Variants in VTI1A observed in about 807,000 individuals in gnomAD.
The protein encoded by VTI1A is vesicle transport through interaction with t-SNAREs 1A.
A neutral mutation model predicts 34.9 loss-of-function variants in VTI1A; 22 were observed. The ratio of observed to expected loss-of-function variants is 0.63; its 90% CI spans 0.45 to 0.90. VTI1A has a LOEUF of 0.90. Among genes scored for constraint, VTI1A ranks in the 40% least tolerant of loss-of-function variants. VTI1A has a pLI of 0.00. For synonymous variants in VTI1A, 87 were observed against 97.3 expected (o/e 0.89, Z 0.62); for missense variants, 268 against 275.6 (o/e 0.97, Z 0.20).
At chr10:112,608,270 A>C (rs772634759) in intron 5 of VTI1A, among the ~76,000 whole-genome samples, 1 of 152,228 alleles carries the variant, frequency 6.6e-6, no homozygotes, top group Non-Finnish European at 1.5e-5. Flanking sequence ...TGTTACATAC[A>C]TGCATGCATA....
At chr10:112,797,942 T>C (rs969097701) in intron 7 of VTI1A, among the ~76,000 whole-genome samples, 2 of 152,214 alleles carry the variant, frequency 1.3e-5, no homozygotes, top group Admixed American at 1.3e-4. Flanking sequence ...TTCAGCTACG[T>C]GAGTCAGTAT....
chr10:112,561,626 T>G (rs1397042136), intron 5 of VTI1A, among the ~76,000 whole-genome samples: 1 of 152,200 alleles, frequency 6.6e-6, no homozygotes, highest in Non-Finnish European at 1.5e-5. Context: ...ACTTTTTATT[T>G]AAATTTGGAA....
chr10:112,673,461 T>C (rs150644472), intron 7 of VTI1A, among the ~76,000 whole-genome samples: 2 of 47,694 alleles, frequency 4.2e-5, no homozygotes, highest in Admixed American at 2.9e-4. Flanking sequence ...CATGCGCGCG[T>C]GCGCGCGCAC....
At chr10:112,454,388 A>G (rs1847352191) in intron 1 of VTI1A, among the ~76,000 whole-genome samples, 1 of 152,200 alleles carries the variant, frequency 6.6e-6, no homozygotes, top group Non-Finnish European at 1.5e-5. Flanking sequence ...TGAGCCCAGG[A>G]GCTCAAGATC....
the VTI1A span, among the ~76,000 whole-genome samples, chr10:112,841,664 A>T: frequency 1.3e-5 from 2 of 152,216 alleles, no homozygotes; most frequent in Non-Finnish European, 2.9e-5. Context: ...AATTCATTCC[A>T]GCCCTGCCCA....
At chr10:112,655,836 A>G (rs984733649) in intron 5 of VTI1A, among the ~76,000 whole-genome samples, 3 of 152,210 alleles carry the variant, frequency 2.0e-5, no homozygotes, top group Non-Finnish European at 4.4e-5. Context: ...AAGTGTGCCT[A>G]TCTGTGCCCC....
In VTI1A at chr10:112,818,541, G is replaced by A. The variant is rs1853588089; in HGVS notation, c.*3158G>A. 1 of 225,376 alleles carries A rather than the reference G, an allele frequency of 4.4e-6. No individual in the cohort carries two copies. Among genetic ancestry groups the A allele is most frequent in the African/African-American group, 2.2e-5 (1 of 44,868 alleles). 14.0% of individuals were successfully genotyped at this position (225,376 alleles called of 1,614,324 possible). ...AAACAGCCTGCCTGCTGCTGTATTT[G>A]AAGTTGTAATGGTGTCAAAAAGTCA... On this transcript the variant is annotated 3_prime_UTR_variant, in exon 8 of 8. Transcript: ENST00000393077.
At chr10:112,854,983 G>T in the VTI1A span, among the ~76,000 whole-genome samples, 3 of 152,296 alleles carry the variant, frequency 2.0e-5, no homozygotes, top group African/African-American at 2.4e-5. Context: ...TGAGTTCACA[G>T]AGAGTCTGCC....
At chr10:112,832,154 G>A in the VTI1A span, 6 of 152,370 alleles carry the variant, frequency 3.9e-5, no homozygotes, top group East Asian at 7.8e-4. Flanking sequence ...CGCCGAGTCT[G>A]CGGCAGAGAG....
chr10:112,815,139 GCACACACACA>G (rs71489986), intron 7 of VTI1A, 141 bp from the exon 8 acceptor site: 6 of 180,862 alleles, frequency 3.3e-5, no homozygotes, highest in South Asian at 9.0e-5. Context: ...TTTCGCGCGC[GCACACACACA>G]CACACACACA....
intron 5 of VTI1A, among the ~76,000 whole-genome samples, chr10:112,660,143 C>A (rs193083356): frequency 8.3e-4 from 126 of 152,260 alleles, no homozygotes; most frequent in African/African-American, 2.9e-3. Context: ...CTCTGTCACC[C>A]AGGTTGGAGT....
At chr10:112,678,302 CCTT>C (rs1474369462) in intron 7 of VTI1A, among the ~76,000 whole-genome samples, 30 of 152,162 alleles carry the variant, frequency 2.0e-4, no homozygotes, top group African/African-American at 7.0e-4. Context: ...TCCGTCAATG[CCTT>C]CTTTGAACGC....
chr10:112,450,419 G>A (rs1484415874), intron 1 of VTI1A: 1 of 152,176 alleles, frequency 6.6e-6, no homozygotes, highest in African/African-American at 2.4e-5. Context: ...CATCATTGGC[G>A]AGTGCAGTGT....
rs78571917 is a variant in VTI1A at position 112,580,102 on chromosome 10, G to A, written c.427+41772G>A. On this transcript the variant is annotated intron_variant, in intron 5 of 7. Coordinates refer to ENST00000393077, the MANE Select transcript of VTI1A (RefSeq NM_145206.4). ...TGATCATGTGTTGGGGCCTAGAGGT[G>A]GAAACTGGTAAAGGGGTAGTGATGC... Among the ~76,000 whole-genome samples, 1,212 of 152,178 alleles carry A rather than the reference G, an allele frequency of 8.0e-3. 21 individuals carry two copies. The highest frequency in any genetic ancestry group is 0.028 in the African/African-American group (1,175 of 41,532).
intron 3 of VTI1A, among the ~76,000 whole-genome samples, chr10:112,491,972 G>T (rs1236523464): frequency 1.6e-4 from 25 of 152,164 alleles, no homozygotes; most frequent in Admixed American, 1.6e-3. Context: ...CTGATGCCTG[G>T]ATCCCCTGCC....
intron 7 of VTI1A, among the ~76,000 whole-genome samples, chr10:112,706,414 A>G (rs959885455): frequency 6.6e-6 from 1 of 152,198 alleles, no homozygotes; most frequent in Non-Finnish European, 1.5e-5. Context: ...AAGTTAATCA[A>G]TGTGTGCTAA....
intron 3 of VTI1A, among the ~76,000 whole-genome samples, chr10:112,517,346 C>A (rs185648743): frequency 1.1e-3 from 165 of 151,994 alleles, no homozygotes; most frequent in African/African-American, 3.9e-3. Flanking sequence ...TAGTATTGGA[C>A]GATAACCCAG....
At chr10:112,671,791 A>T (rs1465015162) in intron 7 of VTI1A, 2 of 152,230 alleles carry the variant, frequency 1.3e-5, no homozygotes, top group African/African-American at 4.8e-5. Flanking sequence ...AGCAGCCACT[A>T]AATAATCATC....
chr10:112,764,212 A>G (rs1851575428), intron 7 of VTI1A, among the ~76,000 whole-genome samples: 1 of 152,018 alleles, frequency 6.6e-6, no homozygotes, highest in Admixed American at 6.5e-5. Flanking sequence ...CAGTGTTTGG[A>G]TGTGGTTTGC....
Sources: allele counts gnomAD v4.1 joint callset (sites outside exome capture counted in the v4.1 genomes callset), GRCh38; gene constraint gnomAD v4.1.1; transcripts MANE v1.5; gene names NCBI Gene and HGNC (gene_info 2026-07-23, HGNC 2026-07-21).